GSAP: variants seen among roughly 807,000 people sequenced by gnomAD.
The protein encoded by GSAP is gamma-secretase activating protein.
In GSAP, 118 loss-of-function variants were observed where a neutral mutation model predicts 131.7. That is an observed-to-expected ratio of 0.90 (90% CI 0.77 to 1.04). GSAP has a LOEUF of 1.04. Ranked by LOEUF, GSAP falls within the 50% of genes least tolerant of loss-of-function variation. The pLI is 0.00. For missense variants in GSAP, 1,019 were observed against 1,013.2 expected (o/e 1.01, Z -0.08); for synonymous variants, 381 against 363.4 (o/e 1.05, Z -0.55).
chr7:77,336,274 C>A (rs1054302193), intron 19 of GSAP, among the ~76,000 whole-genome samples: 1 of 152,100 alleles, frequency 6.6e-6, no homozygotes, highest in Non-Finnish European at 1.5e-5. Flanking sequence ...TAAGCTCTTT[C>A]CCTCCTCTCA....
chr7:77,311,340 C>G lies in GSAP; in HGVS notation c.*18G>C, dbSNP rs760266066. On this transcript the variant is annotated 3_prime_UTR_variant, in exon 31 of 31. Transcript: ENST00000257626. ...CAAGATTAAAATGGCAGCAGCAGAT[C>G]CAATTGCGTTTTCTTTTTCATAAGC... 1.7e-5 allele frequency: 24 copies of G among 1,438,316 alleles called. 1 individual carries two copies. In the East Asian group the frequency reaches 5.5e-4, roughly 33 times the overall value. 89.1% of individuals were successfully genotyped at this position (1,438,316 alleles called of 1,614,324 possible).
At chr7:77,341,349 C>T (rs1249108588) in intron 19 of GSAP, among the ~76,000 whole-genome samples, 1 of 152,138 alleles carries the variant, frequency 6.6e-6, no homozygotes, top group African/African-American at 2.4e-5. Flanking sequence ...CTGCTCCTCA[C>T]CAGGCCAAGC....
At chr7:77,414,812 A>G (rs1803980131) in intron 1 of GSAP, among the ~76,000 whole-genome samples, 1 of 147,520 alleles carries the variant, frequency 6.8e-6, no homozygotes, top group Non-Finnish European at 1.5e-5. Flanking sequence ...CAAAAAGTTA[A>G]GCCTTCAAAA....
At chr7:77,410,555 A>G (rs1365353339) in intron 1 of GSAP, among the ~76,000 whole-genome samples, 2 of 152,224 alleles carry the variant, frequency 1.3e-5, no homozygotes, top group Non-Finnish European at 2.9e-5. Context: ...ATTTTGATAG[A>G]TACTTGCATA....
chr7:77,363,771 T>G lies in GSAP; in HGVS notation c.872-1111A>C, dbSNP rs538871559. On this transcript the variant is annotated intron_variant, in intron 12 of 30. Coordinates refer to ENST00000257626, the MANE Select transcript of GSAP (RefSeq NM_017439.4). The stretch of plus-strand genomic sequence containing the variant: ...AAAATAGCAAAAAAGAATAACTTCA[T>G]CAGATAACATGGTAACAATTCTATT... Among the ~76,000 whole-genome samples, 20 of 152,314 alleles carry G rather than the reference T, an allele frequency of 1.3e-4. No homozygotes were observed. In the South Asian group the frequency reaches 4.1e-3, roughly 32 times the overall value.
chr7:77,354,097 G>T (rs910701859), intron 16 of GSAP, among the ~76,000 whole-genome samples: 2 of 152,116 alleles, frequency 1.3e-5, no homozygotes, highest in African/African-American at 4.8e-5. Context: ...TCCTGAGGGA[G>T]GGATAATCCC....
intron 3 of GSAP, among the ~76,000 whole-genome samples, chr7:77,403,357 A>G (rs1482966088): frequency 1.3e-5 from 2 of 152,212 alleles, no homozygotes; most frequent in Non-Finnish European, 2.9e-5. Context: ...GGAAGAAGGG[A>G]AGAGAGAATT....
Position 77,396,992 on chromosome 7 carries a change from T to C in GSAP, c.357A>G (p.Glu119=). The change falls in exon 5 of 31, where the codon GAA becomes GAG. Residue 119 remains glutamate, a synonymous_variant. Transcript: ENST00000257626. Reference sequence around the variant, plus strand: ...GTGTAATTTCATTACCTGGTTGAAGTTCGTTCCTTTTTCCTTCTTTAGTAG... The same window carrying C: ...GTGTAATTTCATTACCTGGTTGAAGCTCGTTCCTTTTTCCTTCTTTAGTAG... ...VQSTKEGKRN[E]LQPGSKCLTL... 6.3e-7 allele frequency: 1 copy of C among 1,597,204 alleles called. No individual in the cohort carries two copies. The highest frequency in any genetic ancestry group is 8.6e-7 in the Non-Finnish European group (1 of 1,167,686).
At chr7:77,392,224 GAA>G (rs113720613) in intron 5 of GSAP, among the ~76,000 whole-genome samples, 1 of 127,722 alleles carries the variant, frequency 7.8e-6, no homozygotes, top group Non-Finnish European at 1.7e-5. Context: ...TCCATCTCAG[GAA>G]AAAAAAAAAA....
upstream of GSAP, chr7:77,416,477 G>A (rs777048137): frequency 1.2e-4 from 53 of 431,408 alleles, no homozygotes; most frequent in Middle Eastern, 6.2e-4. Flanking sequence ...GGCCTGAGAA[G>A]CTCCGGCACC....
chr7:77,350,427 TAAA>T (rs751767423), intron 18 of GSAP, among the ~76,000 whole-genome samples: 2 of 133,646 alleles, frequency 1.5e-5, no homozygotes, highest in African/African-American at 5.5e-5. Context: ...GTATAATAAT[TAAA>T]AAAAAAAAAA....
At chr7:77,355,780 A>C in intron 14 of GSAP, 133 bp from the exon 15 acceptor site, 1 of 392,852 alleles carries the variant, frequency 2.5e-6, no homozygotes, top group Non-Finnish European at 4.4e-6. Context: ...CTATCTAATG[A>C]CAGCCCGTTT....
intron 12 of GSAP, among the ~76,000 whole-genome samples, chr7:77,371,431 CTTTTTTTT>C (rs71085450): frequency 7.0e-6 from 1 of 142,980 alleles, no homozygotes; most frequent in African/African-American, 2.6e-5. Flanking sequence ...CATCTTTTTT[CTTTTTTTT>C]TTTTTTTTTT....
intron 3 of GSAP, among the ~76,000 whole-genome samples, chr7:77,398,732 C>T (rs1800832429): frequency 6.6e-6 from 1 of 151,970 alleles, no homozygotes; most frequent in African/African-American, 2.4e-5. Context: ...TGTGCCACTG[C>T]ACTCCAGCCC....
At chr7:77,400,485 G>A (rs943062174) in intron 3 of GSAP, among the ~76,000 whole-genome samples, 1 of 152,152 alleles carries the variant, frequency 6.6e-6, no homozygotes, top group South Asian at 2.1e-4. Flanking sequence ...CCTCTGTCTA[G>A]CCATAACAAG....
At chr7:77,349,291 T>C in intron 19 of GSAP, 60 bp downstream of exon 19, 1 of 1,312,818 alleles carries the variant, frequency 7.6e-7, no homozygotes, top group Non-Finnish European at 1.1e-6. Flanking sequence ...ACCATAATAC[T>C]CAGGCAGCAG....
At position 77,330,286 on chromosome 7, in the gene GSAP, T is replaced by C. The variant is rs975259923; in HGVS notation, c.1627A>G (p.Asn543Asp). Residue 543 changes from asparagine (N) to aspartate (D), a missense_variant, in exon 20 of 31, where the codon AAC becomes GAC. By Grantham distance (23) the Asn-to-Asp change is conservative. Transcript: ENST00000257626. ...CACTCTCTCCTGACCACACTGTTGT[T>C]ATAGTGGAAGTGTGGCTTGGCGTAC... Reference protein sequence around the residue: ...VKYAKPHFHYNNSVVRREWHN... With the variant: ...VKYAKPHFHYDNSVVRREWHN... 1.2e-6 allele frequency: 2 copies of C among 1,613,930 alleles called. No individual in the cohort carries two copies. The highest frequency in any genetic ancestry group is 1.3e-5 in the African/African-American group (1 of 75,046).
chr7:77,355,582 G>A lies in GSAP; in HGVS notation c.1093C>T (p.Leu365=), dbSNP rs1294353483. Residue 365 remains leucine, a synonymous_variant, in exon 15 of 31, where the codon CTG becomes TTG. Transcript: ENST00000257626. ...GTCAGAAAGAGATTGTGGCAGATCA[G>A]GTCTGGATGTTGAACATTAAGTAGG... ...FHLLNVQHPD[L]ICHNLFLTGN... is the part of the protein sequence containing the mutation. 6.2e-7 allele frequency: 1 copy of A among 1,610,720 alleles called. No individual in the cohort carries two copies. Among genetic ancestry groups the A allele is most frequent in the East Asian group, 2.2e-5 (1 of 44,864 alleles).
intron 10 of GSAP, among the ~76,000 whole-genome samples, chr7:77,376,055 T>G (rs1359213801): frequency 6.6e-6 from 1 of 152,198 alleles, no homozygotes; most frequent in African/African-American, 2.4e-5. Context: ...ACGCTAGATT[T>G]TGGTTAAACT....
Sources: allele counts gnomAD v4.1 joint callset (sites outside exome capture counted in the v4.1 genomes callset), GRCh38; gene constraint gnomAD v4.1.1; transcripts MANE v1.5; gene names NCBI Gene and HGNC (gene_info 2026-07-23, HGNC 2026-07-21).